The following LMBR1 variants were observed in gnomAD, a reference collection of about 807,000 sequenced individuals.
LMBR1 encodes limb development membrane protein 1, also known as limb region 1 protein homolog.
Under a neutral mutation model 73.9 loss-of-function variants are expected in LMBR1, and 52 were observed. That is an observed-to-expected ratio of 0.70 (90% CI 0.56 to 0.89). The LOEUF (loss-of-function observed/expected upper bound fraction) is 0.89, where lower values mean the gene tolerates loss of function less well. Among genes scored for constraint, LMBR1 ranks in the 40% least tolerant of loss-of-function variants. The pLI is 0.00. For missense variants in LMBR1, 539 were observed against 579.8 expected (o/e 0.93, Z 0.72); for synonymous variants, 215 against 209.4 (o/e 1.03, Z -0.23).
chr7:156,874,465 GC>G (rs1799858261), intron 1 of LMBR1, among the ~76,000 whole-genome samples: 1 of 152,244 alleles, frequency 6.6e-6, no homozygotes, highest in Admixed American at 6.5e-5. Context: ...GCAGCGGGGG[GC>G]CGAAGGGCTC....
At chr7:156,751,035 G>A (rs932061319) in intron 9 of LMBR1, among the ~76,000 whole-genome samples, 19 of 152,276 alleles carry the variant, frequency 1.2e-4, no homozygotes, top group South Asian at 4.1e-4. Flanking sequence ...ACCTGAGCCC[G>A]GGAGGTTGAG....
chr7:156,779,873 T>C (rs1585739358), intron 5 of LMBR1: 1 of 295,968 alleles, frequency 3.4e-6, no homozygotes. Flanking sequence ...TCAGTAACAT[T>C]AAAATAAGGT....
chr7:156,693,782 T>C (rs1807721608), intron 15 of LMBR1, among the ~76,000 whole-genome samples: 1 of 152,172 alleles, frequency 6.6e-6, no homozygotes, highest in African/African-American at 2.4e-5. Context: ...ACTTCCAAGC[T>C]CATTTTACAA....
intron 1 of LMBR1, among the ~76,000 whole-genome samples, chr7:156,846,759 A>G (rs1296854677): frequency 6.6e-6 from 1 of 152,192 alleles, no homozygotes; most frequent in Non-Finnish European, 1.5e-5. Flanking sequence ...AAACAAAGTC[A>G]TCTATTACAT....
intron 9 of LMBR1, among the ~76,000 whole-genome samples, chr7:156,755,082 T>C (rs1219748767): frequency 6.6e-6 from 1 of 152,222 alleles, no homozygotes; most frequent in Non-Finnish European, 1.5e-5. Flanking sequence ...TTAGCATTAG[T>C]TATCATAACA....
At chr7:156,812,896 C>T (rs560330395) in intron 4 of LMBR1, among the ~76,000 whole-genome samples, 3 of 152,232 alleles carry the variant, frequency 2.0e-5, no homozygotes, top group African/African-American at 7.2e-5. Context: ...CCTGGGTTCC[C>T]CCTCTCTGTA....
chr7:156,707,978 T>TTAC (rs1563180229), intron 15 of LMBR1, among the ~76,000 whole-genome samples: 1 of 151,500 alleles, frequency 6.6e-6, no homozygotes, highest in African/African-American at 2.4e-5. Context: ...ATTTGATAAA[T>TTAC]TCAGTAAAGT....
At chr7:156,791,762 G>T (rs762302757) in intron 5 of LMBR1, among the ~76,000 whole-genome samples, 1 of 152,192 alleles carries the variant, frequency 6.6e-6, no homozygotes, top group Non-Finnish European at 1.5e-5. Flanking sequence ...CCTACAGACC[G>T]TGTGCTACGC....
At chr7:156,709,896 ATT>A (rs34487923) in intron 15 of LMBR1, among the ~76,000 whole-genome samples, 247 of 90,294 alleles carry the variant, frequency 2.7e-3, no homozygotes, top group Middle Eastern at 7.2e-3. Context: ...CAGAAGGTTG[ATT>A]TTTTTTTTTT....
intron 1 of LMBR1, among the ~76,000 whole-genome samples, chr7:156,879,660 T>G (rs1800756079): frequency 1.2e-5 from 1 of 86,182 alleles, no homozygotes; most frequent in African/African-American, 4.4e-5. Context: ...CGAGACTCTG[T>G]CTCAAAAAAA....
chr7:156,700,658 G>T (rs1809474086), intron 15 of LMBR1, among the ~76,000 whole-genome samples: 1 of 151,910 alleles, frequency 6.6e-6, no homozygotes, highest in Admixed American at 6.6e-5. Context: ...CAGCATTTTG[G>T]GCAAAGCCAT....
intron 15 of LMBR1, among the ~76,000 whole-genome samples, chr7:156,699,980 T>C (rs1222855143): frequency 6.6e-6 from 1 of 152,220 alleles, no homozygotes; most frequent in Non-Finnish European, 1.5e-5. Context: ...TGGAAGTCAG[T>C]GTGGCGATTC....
chr7:156,676,720 G>A (rs1049175176), downstream of LMBR1: 13 of 1,205,250 alleles, frequency 1.1e-5, no homozygotes, highest in African/African-American at 4.5e-5. Context: ...TGGATGAACT[G>A]CATGAGTTCT....
At chr7:156,746,950 G>C (rs1410027896) in intron 9 of LMBR1, among the ~76,000 whole-genome samples, 1 of 152,058 alleles carries the variant, frequency 6.6e-6, no homozygotes, top group Non-Finnish European at 1.5e-5. Flanking sequence ...AGTCAAACTG[G>C]TAGACAAAAC....
chr7:156,779,057 T>C (rs1279248493), intron 5 of LMBR1, among the ~76,000 whole-genome samples: 1 of 152,234 alleles, frequency 6.6e-6, no homozygotes, highest in Non-Finnish European at 1.5e-5. Flanking sequence ...AAGGTCTTCA[T>C]TGTTCCTCTA....
rs1192489055 is a variant in LMBR1 at position 156,848,296 on chromosome 7, C to T, written c.67-11411G>A. ...AATATCAACCGTAAATGACAACCTA[C>T]AGAATAGGAGAAAACATTTGCAAAC... is the stretch of plus-strand genomic sequence containing the variant. On this transcript the variant is annotated intron_variant, in intron 1 of 16. Transcript: ENST00000353442. Among the ~76,000 whole-genome samples the T allele has an allele frequency of 4.6e-5, 7 of 152,220 alleles. No homozygotes were observed. In the East Asian group the frequency reaches 1.3e-3, roughly 29 times the overall value.
intron 1 of LMBR1, among the ~76,000 whole-genome samples, chr7:156,844,673 T>C (rs796763658): frequency 1.6e-4 from 24 of 150,928 alleles, no homozygotes; most frequent in African/African-American, 4.6e-4. Flanking sequence ...TGTGAACAAA[T>C]TGAGCTTTGC....
intron 1 of LMBR1, among the ~76,000 whole-genome samples, chr7:156,837,162 A>C (rs1837778062): frequency 1.6e-5 from 2 of 128,966 alleles, no homozygotes; most frequent in Admixed American, 1.7e-4. Flanking sequence ...TGTCTCTACT[A>C]AAAAATACAA....
intron 8 of LMBR1, among the ~76,000 whole-genome samples, chr7:156,758,626 C>T (rs549535250): frequency 1.3e-5 from 2 of 152,182 alleles, no homozygotes; most frequent in Non-Finnish European, 2.9e-5. Context: ...TCTCTCTCGC[C>T]TGCTCCCTCT....
Sources: allele counts gnomAD v4.1 joint callset (sites outside exome capture counted in the v4.1 genomes callset), GRCh38; gene constraint gnomAD v4.1.1; transcripts MANE v1.5; gene names NCBI Gene and HGNC (gene_info 2026-07-23, HGNC 2026-07-21).